Variants in POU6F2 observed in about 807,000 individuals in gnomAD.
POU6F2 encodes POU class 6 homeobox 2, also known as POU domain, class 6, transcription factor 2.
Under a neutral mutation model 71.3 loss-of-function variants are expected in POU6F2, and 31 were observed. The ratio of observed to expected loss-of-function variants is 0.43; its 90% CI spans 0.33 to 0.59. The LOEUF is 0.59. POU6F2 is among the 20% of genes least tolerant of loss of function. The pLI is 0.04. For synonymous variants in POU6F2, 347 were observed against 355.7 expected (o/e 0.98, Z 0.27); for missense variants, 783 against 856.8 (o/e 0.91, Z 1.07).
At chr7:39,351,021 C>G (rs1786130409) in intron 5 of POU6F2, among the ~76,000 whole-genome samples, 1 of 152,232 alleles carries the variant, frequency 6.6e-6, no homozygotes, top group South Asian at 2.1e-4. Flanking sequence ...TTGAAGATAC[C>G]AATGCCCTGG....
At chr7:39,039,030 A>G (rs1257065461) in intron 1 of POU6F2, among the ~76,000 whole-genome samples, 2 of 152,018 alleles carry the variant, frequency 1.3e-5, no homozygotes, top group African/African-American at 4.8e-5. Flanking sequence ...GATTTAGGGC[A>G]TGGATTCAAG....
chr7:39,167,316 G>C (rs1360628796), intron 2 of POU6F2, among the ~76,000 whole-genome samples: 1 of 152,094 alleles, frequency 6.6e-6, no homozygotes, highest in East Asian at 1.9e-4. Flanking sequence ...AGTGCTCACT[G>C]TTTAACAGCC....
intron 6 of POU6F2, among the ~76,000 whole-genome samples, chr7:39,410,375 A>G (rs1470629168): frequency 2.0e-5 from 3 of 152,220 alleles, no homozygotes; most frequent in Non-Finnish European, 4.4e-5. Context: ...CTAAAGTTAT[A>G]TAGTACCCAA....
chr7:39,007,237 A>G (rs958630617), intron 1 of POU6F2, among the ~76,000 whole-genome samples: 2 of 152,212 alleles, frequency 1.3e-5, no homozygotes, highest in African/African-American at 4.8e-5. Context: ...ATTTCATTTT[A>G]AAAAGGTAGA....
At chr7:39,212,657 C>T (rs144959969) in intron 4 of POU6F2, among the ~76,000 whole-genome samples, 184 of 152,244 alleles carry the variant, frequency 1.2e-3, no homozygotes, top group African/African-American at 4.3e-3. Flanking sequence ...AAGCACACAC[C>T]TGTGAAATAA....
chr7:39,403,737 A>G (rs577508038), intron 5 of POU6F2, among the ~76,000 whole-genome samples: 4 of 152,172 alleles, frequency 2.6e-5, no homozygotes, highest in Non-Finnish European at 5.9e-5. Flanking sequence ...TTCCTGACCA[A>G]CCCCTTCACT....
rs75896094 is a variant in POU6F2 at position 39,242,419 on chromosome 7, C to T, written c.598+34799C>T. On this transcript the variant is annotated intron_variant, in intron 4 of 9. Coordinates refer to ENST00000518318, the MANE Select transcript of POU6F2 (RefSeq NM_001370959.1). ...CTTTTCTTGTCTTTAGTTTAGCCAT[C>T]GCACTAAGCATCTATTGGCTTTAAC... 4.2e-3 allele frequency among the ~76,000 whole-genome samples: 635 copies of T among 150,506 alleles called. 5 individuals carry two copies. The highest frequency in any genetic ancestry group is 0.015 in the African/African-American group (613 of 40,814).
chr7:39,197,593 A>T (rs10254999), intron 2 of POU6F2, among the ~76,000 whole-genome samples: 21 of 152,276 alleles, frequency 1.4e-4, no homozygotes, highest in South Asian at 4.1e-4. Flanking sequence ...TAAGGAGACT[A>T]TCCAGGGATG....
chr7:39,162,527 C>T (rs919630044), intron 2 of POU6F2, among the ~76,000 whole-genome samples: 3 of 152,158 alleles, frequency 2.0e-5, no homozygotes, highest in Non-Finnish European at 4.4e-5. Flanking sequence ...TTTGCTTTTT[C>T]CACGATCAGA....
intron 4 of POU6F2, among the ~76,000 whole-genome samples, chr7:39,232,067 T>G (rs902922080): frequency 1.3e-5 from 2 of 152,220 alleles, no homozygotes; most frequent in Non-Finnish European, 2.9e-5. Context: ...GCATTTCTTC[T>G]AGATAGAAAA....
chr7:39,445,631 C>T (rs750777850), intron 7 of POU6F2, among the ~76,000 whole-genome samples: 1 of 152,188 alleles, frequency 6.6e-6, no homozygotes, highest in African/African-American at 2.4e-5. Context: ...AAATTTTCCA[C>T]AAAGATAGCT....
intron 2 of POU6F2, among the ~76,000 whole-genome samples, chr7:39,116,032 C>T (rs1456355665): frequency 1.3e-5 from 2 of 152,132 alleles, no homozygotes; most frequent in African/African-American, 2.4e-5. Flanking sequence ...TCAGCAGACT[C>T]GCCTCTCCAT....
intron 5 of POU6F2, among the ~76,000 whole-genome samples, chr7:39,389,943 T>A (rs918801786): frequency 6.6e-6 from 1 of 152,168 alleles, no homozygotes; most frequent in Non-Finnish European, 1.5e-5. Context: ...ACTTTATAGT[T>A]TTTCCCTCTT....
chr7:39,161,951 G>A (rs1428495729), intron 2 of POU6F2, among the ~76,000 whole-genome samples: 2 of 152,226 alleles, frequency 1.3e-5, no homozygotes, highest in Non-Finnish European at 2.9e-5. Context: ...GTAGAGTAAC[G>A]CTGTCCTTGG....
intron 1 of POU6F2, among the ~76,000 whole-genome samples, chr7:38,979,832 T>C (rs1392146856): frequency 6.6e-6 from 1 of 152,172 alleles, no homozygotes; most frequent in Non-Finnish European, 1.5e-5. Flanking sequence ...CTTCAATCTC[T>C]AATAAGAATA....
intron 4 of POU6F2, among the ~76,000 whole-genome samples, chr7:39,303,182 A>G (rs1431757976): frequency 6.6e-6 from 1 of 151,866 alleles, no homozygotes; most frequent in African/African-American, 2.4e-5. Context: ...TTTGAGACGG[A>G]GTCTCGCTCT....
chr7:39,406,721 T>C lies in POU6F2; in HGVS notation c.1094T>C (p.Val365Ala). 1 of 1,613,650 alleles carries C rather than the reference T, an allele frequency of 6.2e-7. No homozygotes were observed. Reference sequence around the variant, plus strand: ...CTTCAGGGGGTCACAGGTCAACTAGTTACTAATGCACAAGGACAGGTGAGT... The same window carrying C: ...CTTCAGGGGGTCACAGGTCAACTAGCTACTAATGCACAAGGACAGGTGAGT... ...SSLQGVTGQL[V>A]TNAQGQIIGT... The change falls in exon 6 of 10, where the codon GTT (valine) becomes GCT (alanine). Residue 365 changes from valine (V) to alanine (A), a missense_variant. By Grantham distance (64) the Val-to-Ala change is moderately conservative (BLOSUM62 0). Coordinates refer to ENST00000518318, the MANE Select transcript of POU6F2 (RefSeq NM_001370959.1).
chr7:39,409,128 C>A (rs187730917), intron 6 of POU6F2, among the ~76,000 whole-genome samples: 2 of 152,210 alleles, frequency 1.3e-5, no homozygotes, highest in Non-Finnish European at 2.9e-5. Context: ...CCACCCAGCC[C>A]ATTTTCAATT....
At chr7:39,093,051 G>C (rs1052226974) in intron 2 of POU6F2, among the ~76,000 whole-genome samples, 14 of 151,982 alleles carry the variant, frequency 9.2e-5, no homozygotes, top group African/African-American at 3.4e-4. Flanking sequence ...GGATGGAAAA[G>C]AAAATCCATG....
Sources: gnomAD v4.1 joint callset for allele counts (sites outside exome capture counted in the v4.1 genomes callset) on GRCh38, gnomAD v4.1.1 for gene constraint, MANE v1.5 for transcripts, NCBI Gene and HGNC (gene_info 2026-07-23, HGNC 2026-07-21) for gene names.